Variants in ZFHX3 observed in about 807,000 individuals in gnomAD.
ZFHX3 encodes the protein zinc finger homeobox protein 3.
In ZFHX3, 42 loss-of-function variants were observed where a neutral mutation model predicts 279.1. The ratio of observed to expected loss-of-function variants is 0.15; its 90% CI spans 0.12 to 0.19. ZFHX3 has a LOEUF of 0.19. Ranked by LOEUF, ZFHX3 falls within the 10% of genes least tolerant of loss-of-function variation. The pLI is 1.00. For synonymous variants in ZFHX3, 2,293 were observed against 1,957.8 expected, an observed-to-expected ratio of 1.17 and a Z score of -4.52; for missense variants, 4,981 against 4,754.0, an observed-to-expected ratio of 1.05 and a Z score of -1.40.
intron 4 of ZFHX3, among the ~76,000 whole-genome samples, chr16:73,316,959 G>C (rs1276333667): frequency 6.6e-6 from 1 of 152,136 alleles, no homozygotes. Flanking sequence ...GATGTGTAAA[G>C]ACATTTTACT....
intron 3 of ZFHX3, among the ~76,000 whole-genome samples, chr16:73,342,879 C>T (rs1353966678): frequency 1.3e-5 from 2 of 152,216 alleles, no homozygotes; most frequent in Non-Finnish European, 2.9e-5. Context: ...AAATGAGCAA[C>T]ACAGTGACAC....
At position 72,795,451 on chromosome 16, in the gene ZFHX3, C is replaced by T; in HGVS notation, c.7231G>A (p.Ala2411Thr). The T allele has an allele frequency of 6.2e-7, 1 of 1,614,182 alleles. No individual in the cohort carries two copies. Among genetic ancestry groups the T allele is most frequent in the South Asian group, 1.1e-5 (1 of 91,084 alleles). ...AAGGTGGCCAGTTCCTCAGCCTCCG[C>T]TGTAAGCTGCAAGAAAGCGGAGGAA... ...TASSAFLQLT[A>T]EAEELATFNS... is the part of the protein sequence containing the mutation. The change falls in exon 9 of 10, where the codon GCG becomes ACG. Residue 2411 changes from alanine to threonine, a missense_variant. This residue lies in a region of ZFHX3 where 744 missense variants were observed against 701.3 expected (regional missense o/e 1.06). Coordinates refer to ENST00000268489, the MANE Select transcript of ZFHX3 (RefSeq NM_006885.4).
intron 1 of ZFHX3, among the ~76,000 whole-genome samples, chr16:73,801,244 C>T (rs1279795119): frequency 6.6e-6 from 1 of 152,166 alleles, no homozygotes; most frequent in Non-Finnish European, 1.5e-5. Context: ...CTGACTCAGG[C>T]CCCTATCTCT....
intron 4 of ZFHX3, among the ~76,000 whole-genome samples, chr16:73,263,177 T>A (rs1476667305): frequency 6.6e-6 from 1 of 151,834 alleles, no homozygotes; most frequent in Admixed American, 6.6e-5. Flanking sequence ...CATTTACAAT[T>A]CACTTTCAGG....
intron 1 of ZFHX3, among the ~76,000 whole-genome samples, chr16:73,018,828 A>G (rs1597097710): frequency 6.6e-6 from 1 of 152,230 alleles, no homozygotes; most frequent in African/African-American, 2.4e-5. Flanking sequence ...TCTGAAAGCT[A>G]CAGCTCTTCT....
intron 6 of ZFHX3, among the ~76,000 whole-genome samples, chr16:73,139,089 T>A (rs1367012945): frequency 3.9e-5 from 6 of 152,160 alleles, no homozygotes; most frequent in Non-Finnish European, 7.3e-5. Flanking sequence ...TTACAGAAAT[T>A]TATCCTAATG....
At position 72,787,150 on chromosome 16, in the gene ZFHX3, T is replaced by C. The variant is rs771149726; in HGVS notation, c.*14A>G. On this transcript the variant is annotated 3_prime_UTR_variant, in exon 10 of 10. Coordinates refer to ENST00000268489, the MANE Select transcript of ZFHX3 (RefSeq NM_006885.4). ...TATTTAAATTCATTTGTTTGTATTG[T>C]TCATCTTCAAAGCTTACAATCTGAA... 4.7e-6 allele frequency: 7 copies of C among 1,479,532 alleles called. No homozygotes were observed. In the South Asian group the frequency reaches 1.0e-4, roughly 22 times the overall value. The allele number at this position is 1,479,532 out of a possible 1,614,324, so 91.7% of individuals were successfully genotyped here. A position where few individuals can be genotyped will look rare whatever the true frequency, so the allele number is the denominator to read the frequency against.
chr16:73,585,268 T>G (rs2051913016), intron 2 of ZFHX3, among the ~76,000 whole-genome samples: 1 of 152,110 alleles, frequency 6.6e-6, no homozygotes, highest in Non-Finnish European at 1.5e-5. Flanking sequence ...ATACAAAAAT[T>G]ATCTGGGTGT....
At chr16:73,083,542 T>C (rs1415536233) in intron 8 of ZFHX3, 1 of 152,308 alleles carries the variant, frequency 6.6e-6, no homozygotes, top group East Asian at 1.9e-4. Flanking sequence ...TCTTTTTTTA[T>C]TTTTTGAGAC....
chr16:73,773,368 A>G (rs2054041316), intron 1 of ZFHX3, among the ~76,000 whole-genome samples: 2 of 152,134 alleles, frequency 1.3e-5, no homozygotes, highest in Non-Finnish European at 2.9e-5. Flanking sequence ...TACATTTTCC[A>G]TTATCATCAA....
chr16:72,972,331 A>G (rs925599193), intron 1 of ZFHX3, among the ~76,000 whole-genome samples: 2 of 152,058 alleles, frequency 1.3e-5, no homozygotes, highest in Non-Finnish European at 2.9e-5. Flanking sequence ...GACAGGAGAG[A>G]GTCTGACCTA....
Position 72,798,065 on chromosome 16 carries a change from T to C in ZFHX3, c.4617A>G (p.Leu1539=), listed in dbSNP as rs185942640. 48 of 1,614,216 alleles carry C rather than the reference T, an allele frequency of 3.0e-5. No homozygotes were observed. The highest frequency in any genetic ancestry group is 1.6e-4 in the Middle Eastern group (1 of 6,062). ...TACACTTGTAAGGGCGAGAAGGGTC[T>C]AGGAACTTTTCCATAGTAAAATTGG... ...KGPNFTMEKF[L]DPSRPYKCTV... is the part of the protein sequence containing the mutation. The change falls in exon 9 of 10, where the codon CTA becomes CTG. Residue 1539 remains leucine (L), a synonymous_variant. Coordinates refer to ENST00000268489, the MANE Select transcript of ZFHX3 (RefSeq NM_006885.4).
intron 1 of ZFHX3, among the ~76,000 whole-genome samples, chr16:73,854,254 A>C (rs1300977433): frequency 6.6e-6 from 1 of 152,200 alleles, no homozygotes; most frequent in African/African-American, 2.4e-5. Context: ...GGCTGGGCAC[A>C]GTGGCTCATG....
intron 2 of ZFHX3, among the ~76,000 whole-genome samples, chr16:73,476,511 A>G (rs752369267): frequency 2.0e-5 from 3 of 152,180 alleles, no homozygotes; most frequent in Non-Finnish European, 4.4e-5. Context: ...CAACTTCATC[A>G]CAAGAATATT....
At chr16:73,672,738 A>G (rs987579463) in intron 2 of ZFHX3, among the ~76,000 whole-genome samples, 6 of 5,766 alleles carry the variant, frequency 1.0e-3, no homozygotes, top group African/African-American at 4.5e-3. Flanking sequence ...AAGAAAGAGC[A>G]TATGCTTTTT....
chr16:73,173,603 A>G (rs750031224), intron 5 of ZFHX3, among the ~76,000 whole-genome samples: 2 of 152,116 alleles, frequency 1.3e-5, no homozygotes, highest in Non-Finnish European at 2.9e-5. Context: ...CTCCAAGGTC[A>G]GGACCCCTGT....
At chr16:73,416,342 G>A (rs1473165688) in intron 3 of ZFHX3, among the ~76,000 whole-genome samples, 2 of 152,090 alleles carry the variant, frequency 1.3e-5, no homozygotes, top group East Asian at 3.9e-4. Flanking sequence ...GAAATTAGGA[G>A]AAATTCTACA....
intron 4 of ZFHX3, among the ~76,000 whole-genome samples, chr16:72,872,115 T>A (rs944702147): frequency 7.6e-5 from 11 of 145,284 alleles, no homozygotes; most frequent in Admixed American, 4.1e-4. Context: ...AAAAAAAAAA[T>A]TTCAAGGAAT....
At position 73,281,011 on chromosome 16, in the gene ZFHX3, A is replaced by AG. The variant is rs1202387815; in HGVS notation, c.-1193-23876_-1193-23875insC. On this transcript the variant is annotated intron_variant, in intron 4 of 17. Coordinates refer to the ZFHX3 transcript ENST00000641206. ...AAGAAAGAAAGAGGGAAATGAAGGG[A>AG]AAGGAGAGGAGAGGAGAGGGGAGGG... 4.3e-3 allele frequency among the ~76,000 whole-genome samples: 379 copies of AG among 88,388 alleles called. 4 individuals are homozygous for AG. The highest frequency in any genetic ancestry group is 0.028 in the Middle Eastern group (7 of 246). The allele number at this position is 88,388 out of a possible 152,430, so 58.0% of individuals were successfully genotyped here. A position where few individuals can be genotyped will look rare whatever the true frequency, so the allele number is the denominator to read the frequency against.
Sources: allele counts gnomAD v4.1 joint callset (sites outside exome capture counted in the v4.1 genomes callset), GRCh38; gene constraint gnomAD v4.1.1; regional missense constraint gnomAD v4.1.1; transcripts MANE v1.5; gene names NCBI Gene and HGNC (gene_info 2026-07-23, HGNC 2026-07-21).